SDC2: variants seen among roughly 807,000 people sequenced by gnomAD.
SDC2 encodes syndecan-2.
Under a neutral mutation model 22.2 loss-of-function variants are expected in SDC2, and 13 were observed. The observed-to-expected ratio is 0.59, with a 90% confidence interval of 0.38 to 0.93. The LOEUF (loss-of-function observed/expected upper bound fraction) is 0.93. SDC2 is among the 40% of genes least tolerant of loss of function. SDC2 has a pLI of 0.00. For synonymous variants in SDC2, 94 were observed against 92.8 expected (o/e 1.01, Z -0.07); for missense variants, 235 against 246.8 (o/e 0.95, Z 0.32).
intron 2 of SDC2, among the ~76,000 whole-genome samples, chr8:96,598,940 C>CTTT (rs567223016): frequency 8.6e-5 from 11 of 127,434 alleles, no homozygotes; most frequent in Non-Finnish European, 1.3e-4. Flanking sequence ...CTGTCTCTAT[C>CTTT]TTTTTTTTTT....
Position 96,609,648 on chromosome 8 carries a change from G to A in SDC2, c.*100G>A, listed in dbSNP as rs1815143342. 1 of 754,402 alleles carries A rather than the reference G, an allele frequency of 1.3e-6. No individual in the cohort carries two copies. The highest frequency in any genetic ancestry group is 2.0e-6 in the Non-Finnish European group (1 of 512,504). The allele number at this position is 754,402 out of a possible 1,614,324, so 46.7% of individuals were successfully genotyped here. ...ATCTTTGTTTTTTGTTTTCATTAAA[G>A]AGCCATTCTGGCACTTTAATGATAA... On this transcript the variant is annotated 3_prime_UTR_variant, in exon 5 of 5. Coordinates refer to ENST00000302190, the MANE Select transcript of SDC2 (RefSeq NM_002998.4).
At chr8:96,559,643 T>G (rs1319798072) in intron 1 of SDC2, among the ~76,000 whole-genome samples, 3 of 152,204 alleles carry the variant, frequency 2.0e-5, no homozygotes, top group Non-Finnish European at 4.4e-5. Context: ...TGATTCAACC[T>G]TTGTAAATAT....
In SDC2 at chr8:96,609,679, C is replaced by A; in HGVS notation, c.*131C>A. ...TTCTGGCACTTTAATGATAAAATCC[C>A]ATTGTATTTAAAACATTTCATGTAT... is the stretch of plus-strand genomic sequence containing the variant. On this transcript the variant is annotated 3_prime_UTR_variant, in exon 5 of 5. Coordinates refer to ENST00000302190, the MANE Select transcript of SDC2 (RefSeq NM_002998.4). 1.8e-6 allele frequency: 1 copy of A among 562,980 alleles called. No individual in the cohort carries two copies. The highest frequency in any genetic ancestry group is 2.9e-6 in the Non-Finnish European group (1 of 349,278). The allele number at this position is 562,980 out of a possible 1,614,324, so 34.9% of individuals were successfully genotyped here. A position where few individuals can be genotyped will look rare whatever the true frequency, so the allele number is the denominator to read the frequency against.
chr8:96,556,425 GAT>G (rs902797110), intron 1 of SDC2, among the ~76,000 whole-genome samples: 2 of 150,888 alleles, frequency 1.3e-5, no homozygotes, highest in African/African-American at 4.9e-5. Context: ...CCAAAACAGA[GAT>G]ATAGATCAAT....
At chr8:96,499,430 C>T (rs1054241739) in intron 1 of SDC2, among the ~76,000 whole-genome samples, 3 of 152,156 alleles carry the variant, frequency 2.0e-5, no homozygotes, top group Non-Finnish European at 2.9e-5. Context: ...ATTTGGGAAT[C>T]GCTGGTCTAG....
chr8:96,497,350 T>C (rs966837465), intron 1 of SDC2, among the ~76,000 whole-genome samples: 5 of 152,176 alleles, frequency 3.3e-5, no homozygotes, highest in South Asian at 2.1e-4. Context: ...TAGTTGGGTA[T>C]TAGCAGAAGG....
chr8:96,535,188 T>C (rs1813734088), intron 1 of SDC2, among the ~76,000 whole-genome samples: 1 of 152,100 alleles, frequency 6.6e-6, no homozygotes, highest in African/African-American at 2.4e-5. Context: ...TTTGTATTTT[T>C]AGTAGAGATG....
intron 1 of SDC2, among the ~76,000 whole-genome samples, chr8:96,556,034 TCACACACACACACACACACACATA>T (rs1196588018): frequency 1.4e-4 from 20 of 143,572 alleles, no homozygotes; most frequent in Non-Finnish European, 2.4e-4. Context: ...TATTAGAATA[TCACACACACACACACACACACATA>T]CACACACACA....
chr8:96,604,868 A>T (rs1052205885), intron 3 of SDC2, among the ~76,000 whole-genome samples: 15 of 152,216 alleles, frequency 9.9e-5, no homozygotes, highest in Admixed American at 7.2e-4. Flanking sequence ...GAGTGAAGGT[A>T]TTTCAGATTA....
Position 96,609,398 on chromosome 8 carries a change from T to C in SDC2, c.456T>C (p.Gly152=), listed in dbSNP as rs1156988528. Residue 152 remains glycine (G), a synonymous_variant, in exon 5 of 5, where the codon GGT becomes GGC. Transcript: ENST00000302190. ...TGGTTGTTTCAGCTGTCATTGCTGG[T>C]GGAGTTATTGGCTTTCTCTTTGCAA... is the stretch of plus-strand genomic sequence containing the variant. ...RTEVLAAVIA[G]GVIGFLFAIF... is the part of the protein sequence containing the mutation. The C allele has an allele frequency of 1.2e-6, 2 of 1,611,852 alleles. No individual in the cohort carries two copies. Among genetic ancestry groups the C allele is most frequent in the Middle Eastern group, 3.3e-4 (2 of 6,050 alleles).
intron 1 of SDC2, among the ~76,000 whole-genome samples, chr8:96,507,158 C>T (rs73696059): frequency 0.019 from 2,924 of 152,168 alleles, 85 homozygotes; most frequent in African/African-American, 0.067. Flanking sequence ...AAAGGAAACA[C>T]ATCCAGAGAG....
chr8:96,602,820 G>A (rs1284329831), intron 3 of SDC2, among the ~76,000 whole-genome samples: 5 of 152,052 alleles, frequency 3.3e-5, no homozygotes, highest in Non-Finnish European at 7.4e-5. Context: ...TTTTCACATG[G>A]CCCTCCTTCT....
intron 1 of SDC2, among the ~76,000 whole-genome samples, chr8:96,532,934 C>A (rs1813689650): frequency 6.6e-6 from 1 of 152,302 alleles, no homozygotes; most frequent in South Asian, 2.1e-4. Flanking sequence ...TAAGTACATA[C>A]TGTATCCAGA....
chr8:96,578,203 G>T (rs1357520008), intron 1 of SDC2, among the ~76,000 whole-genome samples: 3 of 152,166 alleles, frequency 2.0e-5, no homozygotes, highest in Admixed American at 1.3e-4. Flanking sequence ...AAGGTAGGTG[G>T]CTTTGATGTG....
intron 1 of SDC2, among the ~76,000 whole-genome samples, chr8:96,582,428 T>C (rs372651830): frequency 5.9e-5 from 9 of 152,214 alleles, no homozygotes; most frequent in South Asian, 2.1e-4. Flanking sequence ...AGCTTTGAAA[T>C]TGGTGGTCTC....
intron 3 of SDC2, among the ~76,000 whole-genome samples, chr8:96,603,239 C>G (rs1172806059): frequency 6.6e-6 from 1 of 152,126 alleles, no homozygotes; most frequent in East Asian, 1.9e-4. Context: ...AATCCTGGAT[C>G]CAGTCAGGTT....
In SDC2 at chr8:96,609,741, G is replaced by C. The variant is rs1431396384; in HGVS notation, c.*193G>C. 7.1e-6 allele frequency: 3 copies of C among 424,090 alleles called. No homozygotes were observed. The highest frequency in any genetic ancestry group is 1.2e-5 in the Non-Finnish European group (3 of 244,376). 26.3% of individuals were successfully genotyped at this position (424,090 alleles called of 1,614,324 possible). On this transcript the variant is annotated 3_prime_UTR_variant, in exon 5 of 5. Coordinates refer to ENST00000302190, the MANE Select transcript of SDC2 (RefSeq NM_002998.4). ...AACATAAAATTAAAATTTAACATCT[G>C]CAGTGTTCTGTGAATAGCAGTGGCA...
chr8:96,593,246 A>G (rs2130633224), intron 1 of SDC2, among the ~76,000 whole-genome samples: 1 of 152,300 alleles, frequency 6.6e-6, no homozygotes, highest in African/African-American at 2.4e-5. Flanking sequence ...AAATGTTTTC[A>G]TTCTACTGGT....
At chr8:96,540,337 T>G (rs1813824942) in intron 1 of SDC2, among the ~76,000 whole-genome samples, 1 of 106,254 alleles carries the variant, frequency 9.4e-6, no homozygotes, top group African/African-American at 2.9e-5. Context: ...ACTATATATA[T>G]GTGTATATAT....
Sources: allele counts gnomAD v4.1 joint callset (sites outside exome capture counted in the v4.1 genomes callset), GRCh38; gene constraint gnomAD v4.1.1; transcripts MANE v1.5; gene names NCBI Gene and HGNC (gene_info 2026-07-23, HGNC 2026-07-21).